TANC2: variants seen among roughly 807,000 people sequenced by gnomAD.
The protein encoded by TANC2 is tetratricopeptide repeat, ankyrin repeat and coiled-coil containing 2.
Under a neutral mutation model 210.5 loss-of-function variants are expected in TANC2, and 26 were observed. The ratio of observed to expected loss-of-function variants is 0.12; its 90% CI spans 0.09 to 0.17. The LOEUF (loss-of-function observed/expected upper bound fraction) is 0.17. Ranked by LOEUF, TANC2 falls within the 10% of genes least tolerant of loss-of-function variation. The probability of loss-of-function intolerance (pLI) is 1.00; values close to 1 mark genes in which losing one functional copy is unlikely to be tolerated. For missense variants in TANC2, 2,129 were observed against 2,608.9 expected, an observed-to-expected ratio of 0.82 and a Z score of 4.01; for synonymous variants, 931 against 967.1, an observed-to-expected ratio of 0.96 and a Z score of 0.69.
intron 4 of TANC2, among the ~76,000 whole-genome samples, chr17:63,125,655 C>A (rs956303603): frequency 3.9e-5 from 6 of 152,140 alleles, no homozygotes; most frequent in Non-Finnish European, 7.4e-5. Context: ...CCTGTGGGAA[C>A]TGGTTTCATA....
intron 3 of TANC2, among the ~76,000 whole-genome samples, chr17:63,098,625 A>G (rs1445274282): frequency 6.6e-6 from 1 of 151,230 alleles, no homozygotes; most frequent in East Asian, 1.9e-4. Flanking sequence ...TAATTCTGCC[A>G]TTACCAGAAG....
chr17:63,406,423 G>A, intron 21 of TANC2, 146 bp downstream of exon 21: 1 of 1,112,412 alleles, frequency 9.0e-7, no homozygotes, highest in Non-Finnish European at 1.3e-6. Flanking sequence ...CTCCCCTCTT[G>A]TATTCAGTGT....
At chr17:63,350,698 A>C (rs528810817) in intron 12 of TANC2, among the ~76,000 whole-genome samples, 1 of 151,730 alleles carries the variant, frequency 6.6e-6, no homozygotes, top group Non-Finnish European at 1.5e-5. Flanking sequence ...ACCTGGTTCA[A>C]CTCTGTCTAA....
At chr17:63,330,150 A>G (rs1212807321) in intron 11 of TANC2, among the ~76,000 whole-genome samples, 7 of 152,220 alleles carry the variant, frequency 4.6e-5, no homozygotes, top group Non-Finnish European at 1.0e-4. Flanking sequence ...AGCCTAATCC[A>G]GAGTAAGGCC....
chr17:63,366,030 G>A (rs1172098321), intron 14 of TANC2, among the ~76,000 whole-genome samples: 1 of 152,000 alleles, frequency 6.6e-6, no homozygotes. Flanking sequence ...TTAGTAGAGT[G>A]CCTGGAACAC....
At chr17:62,987,204 C>A (rs2032613149) in intron 1 of TANC2, among the ~76,000 whole-genome samples, 2 of 152,120 alleles carry the variant, frequency 1.3e-5, no homozygotes. Flanking sequence ...CTTTGCTGTG[C>A]AGGACCAGAG....
intron 4 of TANC2, among the ~76,000 whole-genome samples, chr17:63,129,293 A>G (rs1160883937): frequency 6.6e-6 from 1 of 152,102 alleles, no homozygotes; most frequent in Non-Finnish European, 1.5e-5. Flanking sequence ...CACCATGCCC[A>G]GCAGTACCTA....
chr17:63,029,975 G>C (rs770505654), intron 2 of TANC2, among the ~76,000 whole-genome samples: 3 of 152,110 alleles, frequency 2.0e-5, no homozygotes, highest in Non-Finnish European at 4.4e-5. Flanking sequence ...TAAAAAGAAT[G>C]GACAGTTAAT....
In TANC2 at chr17:63,314,738, G is replaced by A. The variant is rs1258733846; in HGVS notation, c.1441+69G>A. ...AAGTTTTTCTGACATATTTATATTA[G>A]GTCGTATATCCTTTTATTTTCTCAT... On this transcript the variant is annotated intron_variant, in intron 10 of 27. Transcript: ENST00000689528. The A allele has an allele frequency of 1.9e-6, 3 of 1,550,256 alleles. No homozygotes were observed. In the East Asian group the frequency reaches 6.7e-5, roughly 35 times the overall value.
At chr17:63,162,893 C>T (rs764343371) in intron 5 of TANC2, among the ~76,000 whole-genome samples, 6 of 151,918 alleles carry the variant, frequency 3.9e-5, no homozygotes, top group East Asian at 1.9e-4. Context: ...TCCCACTTAA[C>T]GTTAGTGGTC....
intron 21 of TANC2, among the ~76,000 whole-genome samples, chr17:63,410,860 C>CAAAAAAAAAAA (rs34268418): frequency 2.6e-5 from 1 of 38,994 alleles, no homozygotes; most frequent in Non-Finnish European, 4.3e-5. Flanking sequence ...GACTCCATCT[C>CAAAAAAAAAAA]AAAAAAAAAA....
intron 7 of TANC2, among the ~76,000 whole-genome samples, chr17:63,222,224 C>G (rs1258512599): frequency 6.6e-6 from 1 of 152,092 alleles, no homozygotes; most frequent in Non-Finnish European, 1.5e-5. Context: ...CAAATCACTT[C>G]CCAAAGGCCC....
At chr17:62,995,161 A>G (rs896963577) in intron 1 of TANC2, among the ~76,000 whole-genome samples, 5 of 152,186 alleles carry the variant, frequency 3.3e-5, no homozygotes, top group Non-Finnish European at 7.3e-5. Context: ...GTAGAATAAT[A>G]AAGCCGTTCT....
At chr17:63,046,325 CTTTTT>C (rs57550590) in intron 2 of TANC2, among the ~76,000 whole-genome samples, 25 of 44,140 alleles carry the variant, frequency 5.7e-4, no homozygotes, top group African/African-American at 2.7e-3. Context: ...ACACCCAGCT[CTTTTT>C]TTTTTTTTTT....
At chr17:63,210,686 A>G (rs1277213028) in intron 7 of TANC2, among the ~76,000 whole-genome samples, 15 of 152,042 alleles carry the variant, frequency 9.9e-5, no homozygotes, top group African/African-American at 2.7e-4. Context: ...CTTTTTTTCT[A>G]TCCTCTGAAA....
At chr17:62,985,942 C>T (rs1204957238) in intron 1 of TANC2, among the ~76,000 whole-genome samples, 1 of 151,712 alleles carries the variant, frequency 6.6e-6, no homozygotes, top group Non-Finnish European at 1.5e-5. Context: ...TTGATGTGTC[C>T]CTACATTGAT....
chr17:63,385,516 GA>G (rs1192384635), intron 15 of TANC2, among the ~76,000 whole-genome samples: 2 of 152,214 alleles, frequency 1.3e-5, no homozygotes. Context: ...ATAACAATCA[GA>G]ACTACTTAGT....
chr17:63,399,316 G>A (rs983203380), intron 19 of TANC2: 1 of 152,980 alleles, frequency 6.5e-6, no homozygotes, highest in African/African-American at 2.4e-5. Flanking sequence ...TTGTTAACCA[G>A]GATGTTAAAT....
intron 12 of TANC2, among the ~76,000 whole-genome samples, chr17:63,342,159 C>A (rs190963211): frequency 6.5e-4 from 99 of 152,022 alleles, no homozygotes; most frequent in African/African-American, 2.4e-3. Context: ...AACATTAGAT[C>A]CTTTTTCAAA....
Sources: gnomAD v4.1 joint callset for allele counts (sites outside exome capture counted in the v4.1 genomes callset) on GRCh38, gnomAD v4.1.1 for gene constraint, MANE v1.5 for transcripts, NCBI Gene and HGNC (gene_info 2026-07-23, HGNC 2026-07-21) for gene names.